The following ATXN1 variants were observed in gnomAD, a reference collection of about 807,000 sequenced individuals.
ATXN1 encodes the protein ataxin 1.
In ATXN1, 8 loss-of-function variants were observed where a neutral mutation model predicts 56.4. The observed-to-expected ratio is 0.14, with a 90% confidence interval of 0.08 to 0.26. The LOEUF (loss-of-function observed/expected upper bound fraction) is 0.26, where lower values mean the gene tolerates loss of function less well. Among genes scored for constraint, ATXN1 ranks in the 10% least tolerant of loss-of-function variants. The pLI is 1.00. For missense variants in ATXN1, 987 were observed against 1,106.5 expected, an observed-to-expected ratio of 0.89 and a Z score of 1.53; for synonymous variants, 514 against 494.6, an observed-to-expected ratio of 1.04 and a Z score of -0.52.
Position 16,327,623 on chromosome 6 carries a change from C to T in ATXN1, c.688G>A (p.Ala230Thr), listed in dbSNP as rs780543953. ...GACCCCGGGGTGATGAGCCCCGGAG[C>T]CCTGCTGAGGTGCTGCTGCTGCTGC... is the stretch of plus-strand genomic sequence containing the variant. Reference protein sequence around the residue: ...QQQQQQHLSRAPGLITPGSPP... With the variant: ...QQQQQQHLSRTPGLITPGSPP... Residue 230 changes from alanine (A) to threonine (T), a missense_variant, in exon 7 of 8, where the codon GCT (alanine) becomes ACT (threonine). Transcript: ENST00000436367. 4 of 1,583,690 alleles carry T rather than the reference C, an allele frequency of 2.5e-6. No individual in the cohort carries two copies. Among genetic ancestry groups the T allele is most frequent in the Non-Finnish European group, 3.4e-6 (4 of 1,167,638 alleles).
At chr6:16,496,426 G>A (rs1180754972) in intron 5 of ATXN1, among the ~76,000 whole-genome samples, 3 of 152,120 alleles carry the variant, frequency 2.0e-5, no homozygotes, top group East Asian at 1.9e-4. Flanking sequence ...TGAATGTGGC[G>A]CTGAAGATTT....
chr6:16,422,873 T>C (rs1759065567), intron 6 of ATXN1, among the ~76,000 whole-genome samples: 2 of 152,312 alleles, frequency 1.3e-5, no homozygotes, highest in South Asian at 4.1e-4. Flanking sequence ...ATTTCAGTTC[T>C]TTCATATTTT....
intron 6 of ATXN1, among the ~76,000 whole-genome samples, chr6:16,434,668 T>C (rs1486392110): frequency 6.6e-6 from 1 of 152,234 alleles, no homozygotes; most frequent in Admixed American, 6.5e-5. Context: ...GTTTGTCATT[T>C]AATACATCTA....
At chr6:16,597,379 G>A (rs1211533812) in intron 3 of ATXN1, among the ~76,000 whole-genome samples, 2 of 151,982 alleles carry the variant, frequency 1.3e-5, no homozygotes, top group African/African-American at 2.4e-5. Flanking sequence ...TGCTTCACAT[G>A]TTCGAAGAAT....
At chr6:16,745,072 G>A (rs966300002) in intron 2 of ATXN1, among the ~76,000 whole-genome samples, 2 of 152,120 alleles carry the variant, frequency 1.3e-5, no homozygotes, top group Non-Finnish European at 2.9e-5. Flanking sequence ...CTCTGAGAGG[G>A]ATCAAAGGAA....
At chr6:16,495,054 T>C (rs1760752673) in intron 5 of ATXN1, among the ~76,000 whole-genome samples, 1 of 152,214 alleles carries the variant, frequency 6.6e-6, no homozygotes, top group Non-Finnish European at 1.5e-5. Flanking sequence ...GCAGAAGTGC[T>C]TGGTGAAAAT....
At chr6:16,337,340 A>G (rs1242562222) in intron 6 of ATXN1, among the ~76,000 whole-genome samples, 1 of 152,206 alleles carries the variant, frequency 6.6e-6, no homozygotes, top group Non-Finnish European at 1.5e-5. Flanking sequence ...TGCGTGGCTC[A>G]TGGCACATGT....
intron 4 of ATXN1, among the ~76,000 whole-genome samples, chr6:16,552,180 A>G (rs1761931790): frequency 1.3e-5 from 2 of 152,332 alleles, no homozygotes; most frequent in South Asian, 4.1e-4. Flanking sequence ...TCTAGAAACA[A>G]TTAAAGTCCA....
chr6:16,639,711 A>C (rs1260139857), intron 3 of ATXN1, among the ~76,000 whole-genome samples: 1 of 152,240 alleles, frequency 6.6e-6, no homozygotes, highest in Admixed American at 6.5e-5. Flanking sequence ...TCTGAAAATA[A>C]CACATTCACT....
At chr6:16,640,043 G>A (rs1013894299) in intron 3 of ATXN1, among the ~76,000 whole-genome samples, 1 of 152,042 alleles carries the variant, frequency 6.6e-6, no homozygotes, top group Non-Finnish European at 1.5e-5. Flanking sequence ...ATTTCACTTT[G>A]TTGTCCTTTG....
At chr6:16,453,780 T>C (rs1759805074) in intron 6 of ATXN1, among the ~76,000 whole-genome samples, 1 of 152,152 alleles carries the variant, frequency 6.6e-6, no homozygotes, top group Non-Finnish European at 1.5e-5. Flanking sequence ...ATAAACTATA[T>C]TTCTAATTCT....
intron 6 of ATXN1, among the ~76,000 whole-genome samples, chr6:16,433,866 G>C (rs575030700): frequency 5.9e-4 from 90 of 152,298 alleles, no homozygotes; most frequent in Non-Finnish European, 6.9e-4. Flanking sequence ...GCTCTGTGCC[G>C]CTACCTCCTC....
At chr6:16,664,395 G>A (rs933744220) in intron 2 of ATXN1, among the ~76,000 whole-genome samples, 7 of 151,950 alleles carry the variant, frequency 4.6e-5, no homozygotes, top group South Asian at 2.1e-4. Flanking sequence ...TTTTGTTAAC[G>A]GAAAGAGGGC....
At chr6:16,738,606 C>T (rs939140960) in intron 2 of ATXN1, 1 of 152,148 alleles carries the variant, frequency 6.6e-6, no homozygotes, top group African/African-American at 2.4e-5. Flanking sequence ...TTAAAAAAAG[C>T]ACATCTATGA....
Position 16,327,882 on chromosome 6 carries a change from G to C in ATXN1, c.429C>G (p.Ile143Met). 1 of 1,607,568 alleles carries C rather than the reference G, an allele frequency of 6.2e-7. No individual in the cohort carries two copies. Among genetic ancestry groups the C allele is most frequent in the Non-Finnish European group, 8.5e-7 (1 of 1,179,912 alleles). ...CGGTTGGGGGGATCAGCTGTGATGG[G>C]ATGAAGCTGGCATAGGTTCCACTGT... Reference protein sequence around the residue: ...SQYSGTYASFIPSQLIPPTAN... With the variant: ...SQYSGTYASFMPSQLIPPTAN... Residue 143 changes from isoleucine (I) to methionine (M), a missense_variant, in exon 7 of 8, where the codon ATC becomes ATG. Coordinates refer to ENST00000436367, the MANE Select transcript of ATXN1 (RefSeq NM_001128164.2).
intron 2 of ATXN1, among the ~76,000 whole-genome samples, chr6:16,748,020 T>G (rs1051180974): frequency 6.6e-6 from 1 of 152,212 alleles, no homozygotes; most frequent in African/African-American, 2.4e-5. Context: ...CCAGTGAAGT[T>G]CTTTTAAGAG....
At chr6:16,734,811 C>T (rs1172869884) in intron 2 of ATXN1, among the ~76,000 whole-genome samples, 7 of 152,194 alleles carry the variant, frequency 4.6e-5, no homozygotes, top group South Asian at 4.2e-4. Flanking sequence ...TATTTTAAAA[C>T]GTCATGTTTC....
chr6:16,639,915 C>T (rs1763676939), intron 3 of ATXN1, among the ~76,000 whole-genome samples: 1 of 152,112 alleles, frequency 6.6e-6, no homozygotes, highest in Non-Finnish European at 1.5e-5. Flanking sequence ...CAACAGTAGG[C>T]ATCACATGTG....
intron 3 of ATXN1, among the ~76,000 whole-genome samples, chr6:16,597,178 G>A (rs1762830682): frequency 6.6e-6 from 1 of 152,218 alleles, no homozygotes; most frequent in Non-Finnish European, 1.5e-5. Flanking sequence ...CAAATTAGAG[G>A]TTATAAACAC....
Sources: allele counts gnomAD v4.1 joint callset (sites outside exome capture counted in the v4.1 genomes callset), GRCh38; gene constraint gnomAD v4.1.1; transcripts MANE v1.5; gene names NCBI Gene and HGNC (gene_info 2026-07-23, HGNC 2026-07-21).